RFC1: variants seen among roughly 807,000 people sequenced by gnomAD.
The protein encoded by RFC1 is A1 140 kDa subunit.
A neutral mutation model predicts 137.4 loss-of-function variants in RFC1; 37 were observed. The ratio of observed to expected loss-of-function variants is 0.27; its 90% CI spans 0.21 to 0.35. The LOEUF is 0.35. Ranked by LOEUF, RFC1 falls within the 10% of genes least tolerant of loss-of-function variation. The pLI is 1.00. For missense variants in RFC1, 1,205 were observed against 1,358.5 expected (o/e 0.89, Z 1.78); for synonymous variants, 429 against 455.7 (o/e 0.94, Z 0.75).
chr4:39,290,582 A>T (rs1737619017), intron 23 of RFC1, among the ~76,000 whole-genome samples: 1 of 152,246 alleles, frequency 6.6e-6, no homozygotes, highest in Admixed American at 6.5e-5. Context: ...TGGGAGGCCA[A>T]AGCAGGCAGT....
At chr4:39,294,360 C>T (rs764860614) in intron 22 of RFC1, among the ~76,000 whole-genome samples, 2 of 152,156 alleles carry the variant, frequency 1.3e-5, no homozygotes, top group Non-Finnish European at 2.9e-5. Flanking sequence ...TAAGATCACT[C>T]AAGTAGTTCA....
intron 10 of RFC1, among the ~76,000 whole-genome samples, chr4:39,314,691 G>T (rs1739149815): frequency 6.6e-6 from 1 of 151,950 alleles, no homozygotes; most frequent in South Asian, 2.1e-4. Context: ...GCCCCTTAAG[G>T]CCGACCTTCT....
chr4:39,330,790 A>C (rs1740062098), intron 4 of RFC1, among the ~76,000 whole-genome samples: 1 of 152,194 alleles, frequency 6.6e-6, no homozygotes, highest in Admixed American at 6.5e-5. Flanking sequence ...CTTTAATTAA[A>C]AATTTATCCA....
chr4:39,314,449 T>C (rs914271297), intron 10 of RFC1, among the ~76,000 whole-genome samples: 1 of 152,162 alleles, frequency 6.6e-6, no homozygotes, highest in Admixed American at 6.5e-5. Flanking sequence ...TATCAAACTC[T>C]TCTATTCTAG....
Position 39,303,160 on chromosome 4 carries a change from G to A in RFC1, c.2111-9C>T, listed in dbSNP as rs775667509. 6.3e-7 allele frequency: 1 copy of A among 1,599,110 alleles called. No individual in the cohort carries two copies. Among genetic ancestry groups the A allele is most frequent in the East Asian group, 2.2e-5 (1 of 44,810 alleles). Reference sequence around the variant, plus strand: ...TGAAGAGGCTGCTCCATCTGACCCAGGTTGAGGAGCAATGGGATGAGACAA... The same window carrying A: ...TGAAGAGGCTGCTCCATCTGACCCAAGTTGAGGAGCAATGGGATGAGACAA... On this transcript the variant is annotated splice_polypyrimidine_tract_variant and intron_variant, in intron 15 of 24. Transcript: ENST00000349703.
At chr4:39,314,055 T>G (rs960576674) in intron 10 of RFC1, among the ~76,000 whole-genome samples, 1 of 152,216 alleles carries the variant, frequency 6.6e-6, no homozygotes, top group African/African-American at 2.4e-5. Flanking sequence ...GAATTGAGAT[T>G]AATAAACTTA....
intron 2 of RFC1, among the ~76,000 whole-genome samples, 164 bp from the exon 3 acceptor site, chr4:39,345,640 C>T (rs935417126): frequency 2.0e-5 from 3 of 152,094 alleles, no homozygotes; most frequent in Non-Finnish European, 4.4e-5. Flanking sequence ...CCTGCCTCAG[C>T]CTTCTGAGTA....
intron 1 of RFC1, 41 bp from the exon 2 acceptor site, chr4:39,351,517 C>T (rs374311239): frequency 2.4e-4 from 348 of 1,477,640 alleles, no homozygotes; most frequent in South Asian, 5.8e-4. Flanking sequence ...AAACATTAAC[C>T]GCATAAAATT....
chr4:39,366,256 G>A lies in RFC1; in HGVS notation c.-15C>T, dbSNP rs541674547. 29 of 1,541,634 alleles carry A rather than the reference G, an allele frequency of 1.9e-5. 1 individual carries two copies. In the South Asian group the frequency reaches 3.5e-4, roughly 18 times the overall value. ...CGGCTCACCATCGCAGCCCCAGGAT[G>A]AAGGCGCTGGCTGGCTGGCGGGTGG... On this transcript the variant is annotated 5_prime_UTR_variant, in exon 1 of 25. Transcript: ENST00000349703.
chr4:39,345,526 C>CA, intron 2 of RFC1, 50 bp from the exon 3 acceptor site: 1 of 1,164,410 alleles, frequency 8.6e-7, no homozygotes, highest in Non-Finnish European at 1.2e-6. Flanking sequence ...ATATAACTAT[C>CA]TTTTTTTTTT....
At chr4:39,336,055 C>T (rs1424824320) in intron 4 of RFC1, among the ~76,000 whole-genome samples, 1 of 152,108 alleles carries the variant, frequency 6.6e-6, no homozygotes, top group Non-Finnish European at 1.5e-5. Context: ...ATCTTAGTGT[C>T]TCATTATTTA....
chr4:39,348,622 C>T (rs1741028714), intron 2 of RFC1, among the ~76,000 whole-genome samples: 1 of 151,896 alleles, frequency 6.6e-6, no homozygotes, highest in Admixed American at 6.6e-5. Context: ...GGCTGTCAGA[C>T]TTCTGAGATT....
At chr4:39,353,641 G>A (rs1435175614) in intron 1 of RFC1, among the ~76,000 whole-genome samples, 2 of 152,116 alleles carry the variant, frequency 1.3e-5, no homozygotes, top group African/African-American at 4.8e-5. Context: ...GTCTGAGGCT[G>A]ACAACTACTT....
intron 4 of RFC1, among the ~76,000 whole-genome samples, chr4:39,332,619 T>A (rs1185263777): frequency 6.6e-6 from 1 of 152,172 alleles, no homozygotes; most frequent in African/African-American, 2.4e-5. Context: ...CTTAGGAAAG[T>A]TTTTCCTTAT....
At position 39,308,619 on chromosome 4, in the gene RFC1, T is replaced by A; in HGVS notation, c.1885+17A>T. On this transcript the variant is annotated intron_variant, in intron 13 of 24. Coordinates refer to ENST00000349703, the MANE Select transcript of RFC1 (RefSeq NM_002913.5). Reference sequence around the variant, plus strand: ...TGATATACACACACACAAAAATGAGTGAGGTTGTAAAATCACCGTGTTTTT... The same window carrying A: ...TGATATACACACACACAAAAATGAGAGAGGTTGTAAAATCACCGTGTTTTT... 1 of 1,598,752 alleles carries A rather than the reference T, an allele frequency of 6.3e-7. No individual in the cohort carries two copies. Among genetic ancestry groups the A allele is most frequent in the South Asian group, 1.1e-5 (1 of 89,328 alleles).
At chr4:39,335,822 G>A (rs1177271620) in intron 4 of RFC1, among the ~76,000 whole-genome samples, 1 of 152,178 alleles carries the variant, frequency 6.6e-6, no homozygotes, top group Admixed American at 6.5e-5. Context: ...AGAGAACAGT[G>A]CTGGTCTCAG....
intron 1 of RFC1, among the ~76,000 whole-genome samples, chr4:39,355,096 A>ATACAC (rs59993299): frequency 0.06 from 3,582 of 59,644 alleles, 66 homozygotes; most frequent in Non-Finnish European, 0.072. Context: ...AAAAAAAAAA[A>ATACAC]ATACACACAC....
At chr4:39,295,580 G>T in intron 22 of RFC1, 34 bp downstream of exon 22, 1 of 1,544,966 alleles carries the variant, frequency 6.5e-7, no homozygotes, top group Non-Finnish European at 8.8e-7. Context: ...ACACCAAATC[G>T]ATAAAATACC....
intron 14 of RFC1, among the ~76,000 whole-genome samples, chr4:39,305,730 C>G (rs775609198): frequency 2.0e-5 from 3 of 152,134 alleles, no homozygotes; most frequent in Non-Finnish European, 2.9e-5. Context: ...CAGGAAAATT[C>G]AAATTCTTCT....
Sources: gnomAD v4.1 joint callset for allele counts (sites outside exome capture counted in the v4.1 genomes callset) on GRCh38, gnomAD v4.1.1 for gene constraint, MANE v1.5 for transcripts, NCBI Gene and HGNC (gene_info 2026-07-23, HGNC 2026-07-21) for gene names.